Variants in ARMC9 observed in about 807,000 individuals in gnomAD.
The protein encoded by ARMC9 is lisH domain-containing protein ARMC9.
A neutral mutation model predicts 107.0 loss-of-function variants in ARMC9; 94 were observed. The ratio of observed to expected loss-of-function variants is 0.88; its 90% CI spans 0.74 to 1.04. The LOEUF (loss-of-function observed/expected upper bound fraction) is 1.04. Among genes scored for constraint, ARMC9 ranks in the 50% least tolerant of loss-of-function variants. ARMC9 has a pLI of 0.00. For synonymous variants in ARMC9, 380 were observed against 396.9 expected (o/e 0.96, Z 0.51); for missense variants, 942 against 1,030.1 (o/e 0.91, Z 1.17).
At position 231,358,589 on chromosome 2, in the gene ARMC9, T is replaced by C. The variant is rs2045437136; in HGVS notation, c.2132-2165T>C. Among the ~76,000 whole-genome samples the C allele has an allele frequency of 6.6e-6, 1 of 152,206 alleles. No homozygotes were observed. ...CTTGCACACAGCTCGCTGCTGAGTCTGGCCTGTGCTGGGAACTAACGCCCC... is the reference window on the plus strand; with the variant it reads ...CTTGCACACAGCTCGCTGCTGAGTCCGGCCTGTGCTGGGAACTAACGCCCC... On this transcript the variant is annotated intron_variant, in intron 22 of 24. Transcript: ENST00000611582. This position sits in a 1 kb window ranked among gnomAD's most constrained non-coding sequence, Gnocchi z 4.5.
chr2:231,364,256 T>G (rs543054760), intron 23 of ARMC9, among the ~76,000 whole-genome samples: 1 of 152,328 alleles, frequency 6.6e-6, no homozygotes, highest in South Asian at 2.1e-4. Flanking sequence ...TGCCTGGAAG[T>G]TCACCTCCAC....
At chr2:231,244,260 CCT>C (rs1336408335) in intron 9 of ARMC9, among the ~76,000 whole-genome samples, 1 of 152,148 alleles carries the variant, frequency 6.6e-6, no homozygotes, top group Admixed American at 6.5e-5. Context: ...CTTCTTTCCC[CCT>C]GAGTTCTGAA....
Position 231,371,680 on chromosome 2 carries a change from C to A in ARMC9, c.*145C>A. On this transcript the variant is annotated 3_prime_UTR_variant, in exon 25 of 25. Transcript: ENST00000611582. ...GAGGGGAGGCCGGCTCTCCAGGCAG[C>A]ACCAGAGCAAGGCCATCGCAGCCCC... 2 of 860,848 alleles carry A rather than the reference C, an allele frequency of 2.3e-6. No homozygotes were observed. The highest frequency in any genetic ancestry group is 1.5e-6 in the Non-Finnish European group (1 of 649,350). 53.3% of individuals were successfully genotyped at this position (860,848 alleles called of 1,614,324 possible).
chr2:231,335,594 C>T (rs1448695915), intron 20 of ARMC9, among the ~76,000 whole-genome samples: 1 of 152,116 alleles, frequency 6.6e-6, no homozygotes, highest in Non-Finnish European at 1.5e-5. Context: ...GTCATGCTTC[C>T]AAGGCTTGCG....
chr2:231,338,329 G>A (rs953988927), intron 20 of ARMC9, among the ~76,000 whole-genome samples: 1 of 149,870 alleles, frequency 6.7e-6, no homozygotes, highest in Non-Finnish European at 1.5e-5. Context: ...TGCAATTCTC[G>A]TGCCTCAGCC....
At chr2:231,268,717 AT>A (rs1437670005) in intron 12 of ARMC9, among the ~76,000 whole-genome samples, 1 of 152,146 alleles carries the variant, frequency 6.6e-6, no homozygotes, top group African/African-American at 2.4e-5. Context: ...TTCCTTCAGA[AT>A]TTTGAAGACA....
At position 231,375,839 on chromosome 2, in the gene ARMC9, A is replaced by AC. The variant is rs1353688479; in HGVS notation, c.*4307dup. Among the ~76,000 whole-genome samples, 1 of 152,126 alleles carries AC rather than the reference A, an allele frequency of 6.6e-6. No individual in the cohort carries two copies. The highest frequency in any genetic ancestry group is 1.5e-5 in the Non-Finnish European group (1 of 68,020). ...AGAGAAATAGGAAACTGGGGACAGA[A>AC]CCCGGGGGTGAGAAAGAAGACAGCA... On this transcript the variant is annotated 3_prime_UTR_variant, in exon 25 of 25. Coordinates refer to ENST00000611582, the MANE Select transcript of ARMC9 (RefSeq NM_001352754.2). This position sits in a 1 kb window ranked among gnomAD's most constrained non-coding sequence, Gnocchi z 4.3.
intron 1 of ARMC9, among the ~76,000 whole-genome samples, chr2:231,204,192 AAAAAAG>A (rs1243568180): frequency 2.6e-5 from 4 of 151,198 alleles, no homozygotes; most frequent in African/African-American, 9.7e-5. Context: ...AAAAAAAAAA[AAAAAAG>A]GACATCAGTG....
At chr2:231,223,180 G>A (rs532532204) in intron 6 of ARMC9, among the ~76,000 whole-genome samples, 30 of 152,252 alleles carry the variant, frequency 2.0e-4, no homozygotes, top group African/African-American at 6.5e-4. Context: ...CATATGGATC[G>A]GGTGACCATC....
chr2:231,325,915 G>A (rs2125544934), intron 19 of ARMC9, among the ~76,000 whole-genome samples: 1 of 152,324 alleles, frequency 6.6e-6, no homozygotes, highest in South Asian at 2.1e-4. Flanking sequence ...GTCCCAACTA[G>A]AGCTTAAATC....
chr2:231,279,846 G>A, intron 16 of ARMC9, among the ~76,000 whole-genome samples: 2 of 152,026 alleles, frequency 1.3e-5, no homozygotes, highest in East Asian at 3.9e-4. Flanking sequence ...CTCCCATTCT[G>A]GTCATTCCAT....
At chr2:231,336,640 C>A (rs2044110236) in intron 20 of ARMC9, among the ~76,000 whole-genome samples, 1 of 152,226 alleles carries the variant, frequency 6.6e-6, no homozygotes, top group Admixed American at 6.5e-5. Context: ...TTCCACACTT[C>A]CTTTCCCCTC....
intron 14 of ARMC9, 44 bp downstream of exon 14, chr2:231,273,122 A>G (rs759806032): frequency 1.3e-6 from 2 of 1,580,968 alleles, no homozygotes; most frequent in Non-Finnish European, 1.7e-6. Context: ...GTGAGATCAG[A>G]TTGAGTTAAA....
intron 9 of ARMC9, among the ~76,000 whole-genome samples, chr2:231,246,010 A>C (rs907062631): frequency 6.6e-6 from 1 of 152,134 alleles, no homozygotes; most frequent in African/African-American, 2.4e-5. Context: ...CTAAGGTAGA[A>C]ATTCGAGCTC....
chr2:231,274,950 C>T (rs1389301239), intron 14 of ARMC9, among the ~76,000 whole-genome samples: 1 of 152,126 alleles, frequency 6.6e-6, no homozygotes, highest in East Asian at 1.9e-4. Context: ...ATAGAGAGAA[C>T]TTTGCTCCAT....
At chr2:231,368,116 C>A (rs1176124744) in intron 23 of ARMC9, among the ~76,000 whole-genome samples, 1 of 151,934 alleles carries the variant, frequency 6.6e-6, no homozygotes, top group Non-Finnish European at 1.5e-5. Flanking sequence ...ACACGTTATA[C>A]CTGCATCAGA....
At chr2:231,325,461 C>T (rs1210104554) in intron 19 of ARMC9, among the ~76,000 whole-genome samples, 1 of 152,078 alleles carries the variant, frequency 6.6e-6, no homozygotes, top group East Asian at 1.9e-4. Flanking sequence ...CTTAATGTTT[C>T]GTATTCCCTC....
chr2:231,350,946 C>CTTT lies in ARMC9; in HGVS notation c.1995-4824_1995-4822dup, dbSNP rs770225857. Among the ~76,000 whole-genome samples, 101 of 50,614 alleles carry CTTT rather than the reference C, an allele frequency of 2.0e-3. 11 individuals are homozygous for CTTT. The highest frequency in any genetic ancestry group is 4.2e-3 in the African/African-American group (42 of 10,084). The allele number at this position is 50,614 out of a possible 152,430, so 33.2% of individuals were successfully genotyped here. A position where few individuals can be genotyped will look rare whatever the true frequency, so the allele number is the denominator to read the frequency against. ...ATCCTATTTGCACAAAGTGACAATT[C>CTTT]TTTTTTTTTTTTTTTTTTTTTTTTT... On this transcript the variant is annotated intron_variant, in intron 21 of 24. Coordinates refer to ENST00000611582, the MANE Select transcript of ARMC9 (RefSeq NM_001352754.2).
chr2:231,227,588 C>T (rs16827879), intron 7 of ARMC9, among the ~76,000 whole-genome samples: 46,986 of 152,104 alleles, frequency 0.31, 8,132 homozygotes, highest in African/African-American at 0.47. Context: ...TTTCAGAACT[C>T]CCTGCCATTG....
Sources: gnomAD v4.1 joint callset for allele counts (sites outside exome capture counted in the v4.1 genomes callset) on GRCh38, gnomAD v4.1.1 for gene constraint, Gnocchi (gnomAD v3.1) non-coding constraint, MANE v1.5 for transcripts, NCBI Gene and HGNC (gene_info 2026-07-23, HGNC 2026-07-21) for gene names.